The following ENTREP2 variants were observed in gnomAD, a reference collection of about 807,000 sequenced individuals.
The protein encoded by ENTREP2 is endosomal transmembrane epsin interactor 2, also known as protein ENTREP2.
the ENTREP2 span, among the ~76,000 whole-genome samples, chr15:29,666,676 A>T: frequency 9.6e-4 from 146 of 152,268 alleles, 2 homozygotes; most frequent in Non-Finnish European, 8.4e-4. Flanking sequence ...TCCCCACCTC[A>T]GGACTTTTGC....
the ENTREP2 span, among the ~76,000 whole-genome samples, chr15:29,158,557 A>G: frequency 6.6e-6 from 1 of 152,156 alleles, no homozygotes; most frequent in Admixed American, 6.5e-5. Context: ...GGAGCACGCC[A>G]TCACTCCCGT....
the ENTREP2 span, among the ~76,000 whole-genome samples, chr15:29,654,915 G>T: frequency 6.6e-6 from 1 of 152,160 alleles, no homozygotes; most frequent in Non-Finnish European, 1.5e-5. Context: ...AATGCATACA[G>T]TTGAAATCTA....
At chr15:29,219,059 T>A in the ENTREP2 span, among the ~76,000 whole-genome samples, 1 of 151,506 alleles carries the variant, frequency 6.6e-6, no homozygotes, top group Non-Finnish European at 1.5e-5. Flanking sequence ...AATCTATACA[T>A]CTGACAAAGA....
the ENTREP2 span, among the ~76,000 whole-genome samples, chr15:29,393,181 T>G: frequency 2.0e-5 from 3 of 152,236 alleles, no homozygotes; most frequent in Admixed American, 2.0e-4. Context: ...TTTGCTTTCT[T>G]TGATGCTTGA....
the ENTREP2 span, among the ~76,000 whole-genome samples, chr15:29,655,371 A>C: frequency 6.6e-6 from 1 of 152,108 alleles, no homozygotes; most frequent in African/African-American, 2.4e-5. Context: ...CTCAAATATC[A>C]CCTATATTGA....
chr15:29,602,799 T>C, the ENTREP2 span, among the ~76,000 whole-genome samples: 4 of 152,212 alleles, frequency 2.6e-5, no homozygotes, highest in Non-Finnish European at 4.4e-5. Context: ...CAGAGAATGC[T>C]GGCTGTCAGC....
the ENTREP2 span, among the ~76,000 whole-genome samples, chr15:29,411,123 T>C: frequency 6.6e-6 from 1 of 152,206 alleles, no homozygotes; most frequent in African/African-American, 2.4e-5. Context: ...CTGATGAACA[T>C]CTGCACTGTT....
chr15:29,614,442 C>G, the ENTREP2 span, among the ~76,000 whole-genome samples: 1 of 152,080 alleles, frequency 6.6e-6, no homozygotes, highest in Admixed American at 6.6e-5. Flanking sequence ...CCTTGTTTAT[C>G]TGGGGAGAGG....
the ENTREP2 span, among the ~76,000 whole-genome samples, chr15:29,532,636 A>C: frequency 6.6e-6 from 1 of 152,232 alleles, no homozygotes; most frequent in Non-Finnish European, 1.5e-5. Context: ...GGGTTGTCCA[A>C]GTTAAATTAG....
the ENTREP2 span, among the ~76,000 whole-genome samples, chr15:29,165,211 A>C: frequency 6.6e-6 from 1 of 152,168 alleles, no homozygotes; most frequent in Non-Finnish European, 1.5e-5. Flanking sequence ...AAACGCCTAC[A>C]TCAAAAAGAC....
At chr15:29,204,742 A>C in the ENTREP2 span, among the ~76,000 whole-genome samples, 4 of 152,162 alleles carry the variant, frequency 2.6e-5, no homozygotes, top group African/African-American at 9.7e-5. Context: ...AAATTTGTAG[A>C]AACTAGACCC....
the ENTREP2 span, among the ~76,000 whole-genome samples, chr15:29,155,244 T>C: frequency 6.8e-6 from 1 of 147,526 alleles, no homozygotes; most frequent in Non-Finnish European, 1.5e-5. Context: ...ATCGCGCCAC[T>C]GCACTCCAGC....
the ENTREP2 span, among the ~76,000 whole-genome samples, chr15:29,387,807 A>G: frequency 6.6e-6 from 1 of 152,196 alleles, no homozygotes; most frequent in Admixed American, 6.5e-5. Flanking sequence ...GCCCTCAGAA[A>G]TAATACCACA....
the ENTREP2 span, among the ~76,000 whole-genome samples, chr15:29,456,094 A>G: frequency 6.6e-6 from 1 of 152,138 alleles, no homozygotes; most frequent in Non-Finnish European, 1.5e-5. Flanking sequence ...TCCTGAAACC[A>G]TCCCCACCCC....
At chr15:29,453,062 G>A in the ENTREP2 span, among the ~76,000 whole-genome samples, 5 of 152,140 alleles carry the variant, frequency 3.3e-5, no homozygotes, top group Admixed American at 1.3e-4. Flanking sequence ...AAATCACCTC[G>A]AGGCAACTGA....
chr15:29,355,809 G>A, the ENTREP2 span, among the ~76,000 whole-genome samples: 2 of 152,174 alleles, frequency 1.3e-5, no homozygotes, highest in Admixed American at 6.5e-5. Context: ...CAGAACGTAA[G>A]AGAGCTGAAG....
chr15:29,180,515 T>A, the ENTREP2 span, among the ~76,000 whole-genome samples: 1 of 151,864 alleles, frequency 6.6e-6, no homozygotes, highest in Non-Finnish European at 1.5e-5. Flanking sequence ...AATACAAAAA[T>A]TAGCTGGGTG....
the ENTREP2 span, among the ~76,000 whole-genome samples, chr15:29,277,212 C>T: frequency 4.6e-5 from 7 of 152,026 alleles, no homozygotes; most frequent in South Asian, 1.2e-3. Flanking sequence ...GGCCTGGTGG[C>T]GGGTGCCTGT....
At chr15:29,379,788 C>T in the ENTREP2 span, among the ~76,000 whole-genome samples, 2 of 152,030 alleles carry the variant, frequency 1.3e-5, no homozygotes, top group Non-Finnish European at 2.9e-5. Context: ...CTGGGGGTGG[C>T]GCGCGGGGGT....
Sources: gnomAD v4.1 joint callset for allele counts (sites outside exome capture counted in the v4.1 genomes callset) on GRCh38, gnomAD v4.1.1 for gene constraint, MANE v1.5 for transcripts, NCBI Gene and HGNC (gene_info 2026-07-23, HGNC 2026-07-21) for gene names.